The following MBNL3 variants were observed in gnomAD, a reference collection of about 807,000 sequenced individuals.
The protein encoded by MBNL3 is muscleblind like splicing regulator 3, also known as muscleblind-like protein 3.
MBNL3 carries 6 observed loss-of-function variants against 24.5 expected under a neutral mutation model. That is an observed-to-expected ratio of 0.25 (90% CI 0.13 to 0.48). The LOEUF (loss-of-function observed/expected upper bound fraction) is 0.48. Ranked by LOEUF, MBNL3 falls within the 20% of genes least tolerant of loss-of-function variation. The probability of loss-of-function intolerance (pLI) is 0.99; values close to 1 mark genes in which losing one functional copy is unlikely to be tolerated. For synonymous variants in MBNL3, 100 were observed against 101.7 expected (o/e 0.98, Z 0.10); for missense variants, 230 against 293.5 (o/e 0.78, Z 1.58).
At chrX:132,473,244 C>T (rs1947269361) in intron 1 of MBNL3, among the ~76,000 whole-genome samples, 1 of 111,763 alleles carries the variant, frequency 8.9e-6, no homozygotes, top group African/African-American at 3.3e-5. Context: ...ACTATATCCT[C>T]CATAATCTAA....
In MBNL3 at chrX:132,401,531, A is replaced by G. The variant is rs1385312947; in HGVS notation, c.342+4697T>C. ...GAGGATGGGGCAGGATGATGACTTG[A>G]CCCCACAAGTCTGCAGCTACATTGA... On this transcript the variant is annotated intron_variant, in intron 3 of 8. Coordinates refer to ENST00000370853, the MANE Select transcript of MBNL3 (RefSeq NM_001386889.1). Among the ~76,000 whole-genome samples the G allele has an allele frequency of 4.8e-5, 5 of 104,991 alleles. No homozygotes were observed. The East Asian group carries it at 1.5e-3, about 31-fold the overall frequency. The allele number at this position is 104,991 out of a possible 115,157, so 91.2% of individuals were successfully genotyped here.
At chrX:132,474,934 G>C (rs1482390047) in intron 1 of MBNL3, among the ~76,000 whole-genome samples, 1 of 111,288 alleles carries the variant, frequency 9.0e-6, no homozygotes, top group African/African-American at 3.3e-5. Context: ...GCCAAAACCA[G>C]TGGCCTCAAC....
intron 2 of MBNL3, among the ~76,000 whole-genome samples, chrX:132,421,839 A>G (rs1036288019): frequency 2.7e-5 from 3 of 111,711 alleles, no homozygotes; most frequent in African/African-American, 6.5e-5. Context: ...TATTAAAATG[A>G]TAACAAGAAA....
chrX:132,425,211 A>G (rs1052848920), intron 2 of MBNL3, among the ~76,000 whole-genome samples: 1 of 111,880 alleles, frequency 8.9e-6, no homozygotes, highest in Non-Finnish European at 1.9e-5. Flanking sequence ...TTGGTTATTG[A>G]GGATTGCACC....
chrX:132,390,207 C>T (rs1209649177), intron 5 of MBNL3, among the ~76,000 whole-genome samples: 4 of 89,495 alleles, frequency 4.5e-5, no homozygotes, highest in Non-Finnish European at 6.4e-5. Context: ...CAAACAACAA[C>T]AACAAAAAAC....
intron 1 of MBNL3, among the ~76,000 whole-genome samples, chrX:132,487,954 A>G (rs773482977): frequency 8.9e-6 from 1 of 111,816 alleles, no homozygotes; most frequent in South Asian, 3.7e-4. Flanking sequence ...ATCAGTAATC[A>G]CCCAAACGTT....
chrX:132,387,274 G>GAAAAAAA (rs1230246022), intron 5 of MBNL3, among the ~76,000 whole-genome samples: 1 of 22,625 alleles, frequency 4.4e-5, no homozygotes, highest in East Asian at 1.0e-3. Context: ...CCTGTCTCAA[G>GAAAAAAA]AAAAAAAAAA....
chrX:132,443,913 A>C lies in MBNL3; in HGVS notation c.-703-3599T>G, dbSNP rs181981908. On this transcript the variant is annotated intron_variant, in intron 1 of 8. Coordinates refer to ENST00000370853, the MANE Select transcript of MBNL3 (RefSeq NM_001386889.1). The stretch of plus-strand genomic sequence containing the variant: ...AGGGTGGAGAAAGGTTGAGTAATTT[A>C]ACTTGCACAACTTCATGAAGCTAGC... Among the ~76,000 whole-genome samples, 3 of 98,707 alleles carry C rather than the reference A, an allele frequency of 3.0e-5. No individual in the cohort carries two copies. The East Asian group carries it at 1.0e-3, about 33-fold the overall frequency. The allele number at this position is 98,707 out of a possible 115,157, so 85.7% of individuals were successfully genotyped here. A position where few individuals can be genotyped will look rare whatever the true frequency, so the allele number is the denominator to read the frequency against.
chrX:132,383,699 T>C (rs764353829), intron 7 of MBNL3, among the ~76,000 whole-genome samples: 1 of 112,014 alleles, frequency 8.9e-6, no homozygotes, highest in African/African-American at 3.2e-5. Flanking sequence ...TCTCGCTATG[T>C]TAGTGAGTGC....
rs1933543349 is a variant in MBNL3 at position 132,370,750 on chromosome X, G to A, written c.*8916C>T. ...AGGGGAAAAGTCCAGATCTATCAGA[G>A]GAAACAGGCCTGATAAGTTGCTATC... On this transcript the variant is annotated 3_prime_UTR_variant, in exon 9 of 9. Coordinates refer to ENST00000370853, the MANE Select transcript of MBNL3 (RefSeq NM_001386889.1). The A allele has an allele frequency of 1.8e-5, 2 of 111,808 alleles. No individual in the cohort carries two copies. Among genetic ancestry groups the A allele is most frequent in the African/African-American group, 3.3e-5 (1 of 30,709 alleles). The allele number at this position is 111,808 out of a possible 1,213,427, so 9.2% of individuals were successfully genotyped here.
chrX:132,398,000 G>A (rs770734172), intron 3 of MBNL3, among the ~76,000 whole-genome samples: 8 of 110,852 alleles, frequency 7.2e-5, no homozygotes, highest in Non-Finnish European at 1.3e-4. Context: ...ACTTGTTAAT[G>A]AATAAGTCCC....
chrX:132,426,009 G>A (rs1042850328), intron 2 of MBNL3, among the ~76,000 whole-genome samples: 3 of 111,720 alleles, frequency 2.7e-5, no homozygotes, highest in Non-Finnish European at 5.7e-5. Context: ...GCACATGGGT[G>A]TATACAATTT....
At chrX:132,386,041 A>C (rs987034230) in intron 6 of MBNL3, among the ~76,000 whole-genome samples, 1 of 111,641 alleles carries the variant, frequency 9.0e-6, no homozygotes, top group African/African-American at 3.3e-5. Context: ...TAATTGAACA[A>C]ATTTCTGGCT....
chrX:132,438,712 A>G (rs1303646176), intron 2 of MBNL3, among the ~76,000 whole-genome samples: 3 of 104,774 alleles, frequency 2.9e-5, no homozygotes, highest in African/African-American at 1.0e-4. Flanking sequence ...TGTCCTATAT[A>G]ATACCTCATC....
chrX:132,447,357 T>A (rs1208642558), intron 1 of MBNL3, among the ~76,000 whole-genome samples: 14 of 112,078 alleles, frequency 1.2e-4, no homozygotes, highest in Non-Finnish European at 5.6e-5. Context: ...TATGGCCATT[T>A]TCACGATATT....
chrX:132,395,411 C>T (rs1603118189), intron 3 of MBNL3, among the ~76,000 whole-genome samples: 1 of 111,773 alleles, frequency 8.9e-6, no homozygotes, highest in South Asian at 3.7e-4. Context: ...ATCTTTACAG[C>T]CTGAAATGGT....
chrX:132,394,091 A>G (rs954370106), intron 3 of MBNL3, among the ~76,000 whole-genome samples: 2 of 111,545 alleles, frequency 1.8e-5, no homozygotes, highest in African/African-American at 6.5e-5. Context: ...AAAAACTGGC[A>G]AGACTCACGA....
At chrX:132,477,830 C>T (rs1026231066) in intron 1 of MBNL3, among the ~76,000 whole-genome samples, 1 of 111,726 alleles carries the variant, frequency 9.0e-6, no homozygotes, top group African/African-American at 3.3e-5. Flanking sequence ...TTCTTTATTT[C>T]TGTAATCTTT....
chrX:132,481,506 C>T (rs1014017675), intron 1 of MBNL3, among the ~76,000 whole-genome samples: 1 of 112,108 alleles, frequency 8.9e-6, no homozygotes, highest in Non-Finnish European at 1.9e-5. Context: ...CTGGAGACTA[C>T]AATATCCCAG....
Sources: gnomAD v4.1 joint callset for allele counts (sites outside exome capture counted in the v4.1 genomes callset) on GRCh38, gnomAD v4.1.1 for gene constraint, MANE v1.5 for transcripts, NCBI Gene and HGNC (gene_info 2026-07-23, HGNC 2026-07-21) for gene names.